The following MAML2 variants were observed in gnomAD, a reference collection of about 807,000 sequenced individuals.
MAML2 encodes the protein mastermind-like protein 2.
A neutral mutation model predicts 96.1 loss-of-function variants in MAML2; 22 were observed. That is an observed-to-expected ratio of 0.23 (90% CI 0.16 to 0.33). MAML2 has a LOEUF of 0.33. MAML2 is among the 10% of genes least tolerant of loss of function. The pLI is 1.00. For missense variants in MAML2, 1,367 were observed against 1,392.4 expected (o/e 0.98, Z 0.29); for synonymous variants, 561 against 521.3 (o/e 1.08, Z -1.04).
chr11:96,126,965 T>C (rs979577705), intron 1 of MAML2, among the ~76,000 whole-genome samples: 7 of 152,098 alleles, frequency 4.6e-5, no homozygotes, highest in Non-Finnish European at 1.0e-4. Flanking sequence ...AGTGCAGTCA[T>C]CTCAGGTGCG....
intron 2 of MAML2, among the ~76,000 whole-genome samples, chr11:96,005,418 C>T (rs1004051595): frequency 7.2e-5 from 11 of 152,198 alleles, no homozygotes; most frequent in African/African-American, 2.7e-4. Context: ...TTCTCAATTC[C>T]ACTCTAGTGC....
intron 1 of MAML2, among the ~76,000 whole-genome samples, chr11:96,179,114 T>C (rs763795957): frequency 1.3e-5 from 2 of 152,204 alleles, no homozygotes; most frequent in Non-Finnish European, 2.9e-5. Context: ...CCTCACATTA[T>C]ATTTCTGCCC....
At chr11:96,289,703 A>G (rs1050461748) in intron 1 of MAML2, among the ~76,000 whole-genome samples, 2 of 152,234 alleles carry the variant, frequency 1.3e-5, no homozygotes, top group East Asian at 1.9e-4. Context: ...TAGGTAGAAT[A>G]GAGTAGTATG....
chr11:96,133,979 GC>G (rs1175258533), intron 1 of MAML2, among the ~76,000 whole-genome samples: 1 of 151,892 alleles, frequency 6.6e-6, no homozygotes, highest in African/African-American at 2.4e-5. Context: ...GAGCAACGGA[GC>G]AAGACCCTGC....
intron 1 of MAML2, among the ~76,000 whole-genome samples, chr11:96,166,126 CTCTTTCTCTG>C (rs1164495467): frequency 6.7e-5 from 10 of 150,090 alleles, no homozygotes; most frequent in African/African-American, 2.4e-4. Flanking sequence ...CTCTCTGTCT[CTCTTTCTCTG>C]TCTCTCTCTC....
intron 2 of MAML2, among the ~76,000 whole-genome samples, chr11:96,057,006 G>T (rs1431976972): frequency 6.6e-6 from 1 of 152,192 alleles, no homozygotes; most frequent in African/African-American, 2.4e-5. Flanking sequence ...GACTTTCAAT[G>T]ATCTAGTTTC....
chr11:95,982,724 A>T (rs1857759447), intron 4 of MAML2, among the ~76,000 whole-genome samples: 1 of 152,166 alleles, frequency 6.6e-6, no homozygotes, highest in Non-Finnish European at 1.5e-5. Flanking sequence ...GGTATTAAAA[A>T]ACCATGTTTT....
intron 1 of MAML2, among the ~76,000 whole-genome samples, chr11:96,121,803 T>TTTTTTTC: frequency 7.3e-6 from 1 of 136,538 alleles, no homozygotes; most frequent in East Asian, 2.1e-4. Context: ...TTTTTTTTTT[T>TTTTTTTC]TGAGACGGAG....
At chr11:95,993,222 AAT>A (rs1377372617) in intron 2 of MAML2, among the ~76,000 whole-genome samples, 1 of 151,646 alleles carries the variant, frequency 6.6e-6, no homozygotes, top group Non-Finnish European at 1.5e-5. Flanking sequence ...AAAAAAAAAA[AAT>A]CCATCTGTCA....
chr11:96,025,163 T>A (rs1247921707), intron 2 of MAML2, among the ~76,000 whole-genome samples: 2 of 152,048 alleles, frequency 1.3e-5, no homozygotes, highest in Non-Finnish European at 2.9e-5. Flanking sequence ...GTCTGTCAAC[T>A]GTGGATTGGA....
chr11:96,104,752 T>C (rs1859995159), intron 1 of MAML2, among the ~76,000 whole-genome samples: 1 of 148,070 alleles, frequency 6.8e-6, no homozygotes, highest in South Asian at 2.1e-4. Context: ...GATAAGAGAA[T>C]AAAACTCCTG....
At chr11:96,327,197 G>C (rs1863797186) in intron 1 of MAML2, among the ~76,000 whole-genome samples, 1 of 152,106 alleles carries the variant, frequency 6.6e-6, no homozygotes, top group African/African-American at 2.4e-5. Flanking sequence ...CAAAATGCTA[G>C]GGAATCCAAC....
intron 2 of MAML2, among the ~76,000 whole-genome samples, chr11:96,071,860 A>C (rs1235095265): frequency 1.3e-5 from 2 of 152,224 alleles, no homozygotes; most frequent in South Asian, 2.1e-4. Context: ...ACATATTGCC[A>C]CTGGCCATTT....
intron 3 of MAML2, among the ~76,000 whole-genome samples, chr11:95,987,589 T>C (rs1857847423): frequency 1.3e-5 from 2 of 152,190 alleles, no homozygotes; most frequent in South Asian, 4.1e-4. Context: ...GGAAAACAAA[T>C]GTGCACTGCC....
intron 1 of MAML2, among the ~76,000 whole-genome samples, chr11:96,147,628 CAA>C (rs1860840722): frequency 6.6e-6 from 1 of 152,194 alleles, no homozygotes; most frequent in Non-Finnish European, 1.5e-5. Context: ...GGTGAAGAAA[CAA>C]AGACAATTTA....
intron 1 of MAML2, among the ~76,000 whole-genome samples, chr11:96,242,370 T>C (rs2135961378): frequency 6.6e-6 from 1 of 152,316 alleles, no homozygotes; most frequent in East Asian, 1.9e-4. Flanking sequence ...TATTTTGCAA[T>C]GGCTCTGGTT....
rs531470572 is a variant in MAML2 at position 96,042,088 on chromosome 11, T to C, written c.2139+49804A>G. On this transcript the variant is annotated intron_variant, in intron 2 of 4. Transcript: ENST00000524717. ...ACCTCCCGGGTTCAGGCCATTCTCC[T>C]GCCTCAGCCTCCCGAGTGGCTGGGA... Among the ~76,000 whole-genome samples the C allele has an allele frequency of 4.8e-3, 733 of 151,962 alleles. 6 individuals carry two copies. Among genetic ancestry groups the C allele is most frequent in the African/African-American group, 0.017 (704 of 41,466 alleles).
At chr11:96,243,597 A>C (rs188141561) in intron 1 of MAML2, among the ~76,000 whole-genome samples, 55 of 151,840 alleles carry the variant, frequency 3.6e-4, no homozygotes, top group African/African-American at 1.3e-3. Context: ...AGGAAGACCC[A>C]CATGTTAAAA....
At chr11:96,032,580 C>A (rs1483691706) in intron 2 of MAML2, among the ~76,000 whole-genome samples, 1 of 99,538 alleles carries the variant, frequency 1.0e-5, no homozygotes, top group African/African-American at 4.3e-5. Flanking sequence ...GAGCAAGAGT[C>A]TGTCTCAAAA....
Sources: gnomAD v4.1 joint callset for allele counts (sites outside exome capture counted in the v4.1 genomes callset) on GRCh38, gnomAD v4.1.1 for gene constraint, MANE v1.5 for transcripts, NCBI Gene and HGNC (gene_info 2026-07-23, HGNC 2026-07-21) for gene names.